The following STK24 variants were observed in gnomAD, a reference collection of about 807,000 sequenced individuals.
STK24 encodes the protein serine/threonine kinase 24.
A neutral mutation model predicts 55.6 loss-of-function variants in STK24; 21 were observed. The ratio of observed to expected loss-of-function variants is 0.38; its 90% confidence interval spans 0.27 to 0.54. The LOEUF (loss-of-function observed/expected upper bound fraction) is 0.54. Among genes scored for constraint, STK24 ranks in the 20% least tolerant of loss-of-function variants. The pLI is 0.79. For synonymous variants in STK24, 200 were observed against 215.2 expected (o/e 0.93, Z 0.62); for missense variants, 383 against 538.4 (o/e 0.71, Z 2.86).
intron 1 of STK24, among the ~76,000 whole-genome samples, chr13:98,567,456 CAG>C (rs1344311821): frequency 6.6e-6 from 1 of 152,190 alleles, no homozygotes; most frequent in Non-Finnish European, 1.5e-5. Flanking sequence ...AGCGTTTCTC[CAG>C]AGAGATCCTA....
chr13:98,509,788 G>A (rs1895818545), intron 2 of STK24, among the ~76,000 whole-genome samples: 1 of 152,038 alleles, frequency 6.6e-6, no homozygotes, highest in African/African-American at 2.4e-5. Context: ...AACTTACAGA[G>A]CCCCACGCCC....
chr13:98,541,438 AAC>A (rs1188931147), intron 1 of STK24, among the ~76,000 whole-genome samples: 5 of 152,204 alleles, frequency 3.3e-5, no homozygotes, highest in African/African-American at 1.2e-4. Flanking sequence ...GTTCAAAGGA[AAC>A]AGTGTTTTCC....
chr13:98,517,089 C>G (rs1197144604), intron 2 of STK24, among the ~76,000 whole-genome samples: 1 of 152,200 alleles, frequency 6.6e-6, no homozygotes, highest in Non-Finnish European at 1.5e-5. Flanking sequence ...AACCACTGAT[C>G]CTTAATTTCC....
intron 1 of STK24, among the ~76,000 whole-genome samples, chr13:98,519,782 G>A (rs1364865733): frequency 6.6e-6 from 1 of 152,178 alleles, no homozygotes; most frequent in African/African-American, 2.4e-5. Context: ...TAAAATCTAA[G>A]CACTTATTGG....
chr13:98,485,163 C>A (rs1211067728), intron 2 of STK24, among the ~76,000 whole-genome samples: 1 of 152,208 alleles, frequency 6.6e-6, no homozygotes, highest in African/African-American at 2.4e-5. Flanking sequence ...GCCGACTCAT[C>A]AAGACAGGGG....
intron 2 of STK24, among the ~76,000 whole-genome samples, chr13:98,499,660 T>C (rs1276719197): frequency 2.0e-5 from 3 of 151,272 alleles, no homozygotes; most frequent in Non-Finnish European, 2.9e-5. Context: ...ACTAGAAGAG[T>C]GTTCCAAGAG....
intron 1 of STK24, among the ~76,000 whole-genome samples, chr13:98,536,452 A>C (rs1216943641): frequency 6.6e-6 from 1 of 151,518 alleles, no homozygotes; most frequent in Non-Finnish European, 1.5e-5. Context: ...GCAGCCTCAA[A>C]CTCCTGGGTT....
chr13:98,497,189 G>A (rs1895281323), intron 2 of STK24, among the ~76,000 whole-genome samples: 1 of 152,050 alleles, frequency 6.6e-6, no homozygotes. Flanking sequence ...TTCCTCTGGG[G>A]TCTGCCTCAA....
At chr13:98,497,288 G>A (rs762050929) in intron 2 of STK24, among the ~76,000 whole-genome samples, 4 of 152,100 alleles carry the variant, frequency 2.6e-5, no homozygotes, top group Non-Finnish European at 4.4e-5. Context: ...AGTTTTCTCC[G>A]CAGCACTTAT....
intron 1 of STK24, among the ~76,000 whole-genome samples, chr13:98,524,994 C>T (rs922347193): frequency 3.3e-5 from 5 of 152,246 alleles, no homozygotes; most frequent in African/African-American, 1.2e-4. Context: ...GGCAAGAAGG[C>T]AGCCATCTGC....
chr13:98,470,719 G>T (rs1183215728), intron 5 of STK24, among the ~76,000 whole-genome samples: 2 of 152,104 alleles, frequency 1.3e-5, no homozygotes, highest in African/African-American at 2.4e-5. Context: ...GGAGATGTGG[G>T]GATCTATGCA....
At chr13:98,468,372 T>C (rs1370988103) in intron 5 of STK24, among the ~76,000 whole-genome samples, 3 of 152,236 alleles carry the variant, frequency 2.0e-5, no homozygotes, top group African/African-American at 4.8e-5. Context: ...TGCATTGCAT[T>C]ATCTTAAAAA....
At chr13:98,459,662 A>C (rs1310819645) in intron 9 of STK24, among the ~76,000 whole-genome samples, 1 of 152,246 alleles carries the variant, frequency 6.6e-6, no homozygotes, top group Non-Finnish European at 1.5e-5. Context: ...CCGCAGTGGA[A>C]AACTGCCCAA....
chr13:98,458,996 C>G (rs1893586277), intron 9 of STK24, among the ~76,000 whole-genome samples: 1 of 152,178 alleles, frequency 6.6e-6, no homozygotes, highest in Non-Finnish European at 1.5e-5. Context: ...CCTGGAAAAT[C>G]CAGGATATGA....
intron 2 of STK24, among the ~76,000 whole-genome samples, chr13:98,490,856 G>A (rs1336902093): frequency 1.3e-5 from 2 of 151,692 alleles, no homozygotes. Context: ...ACAGAACACT[G>A]GAGTTTCTGT....
chr13:98,466,457 G>C lies in STK24; in HGVS notation c.702C>G (p.Asn234Lys). 1.2e-6 allele frequency: 2 copies of C among 1,614,052 alleles called. No homozygotes were observed. Among genetic ancestry groups the C allele is most frequent in the Non-Finnish European group, 1.7e-6 (2 of 1,180,020 alleles). The stretch of plus-strand genomic sequence containing the variant: ...AGTTTCCTTCCAACGTCGGTGGGTT[G>C]TTCTTTGGAATGAGGAATAAAACTT... ...PMKVLFLIPKNNPPTLEGNYS... is the reference protein window; with the variant it reads ...PMKVLFLIPKKNPPTLEGNYS... Residue 234 changes from asparagine to lysine, a missense_variant, in exon 6 of 11, where the codon AAC becomes AAG. Physicochemically the swap from Asn to Lys is moderately conservative, Grantham distance 94 (BLOSUM62 0). Transcript: ENST00000539966.
chr13:98,558,863 A>C (rs1897340791), intron 1 of STK24, among the ~76,000 whole-genome samples: 1 of 152,108 alleles, frequency 6.6e-6, no homozygotes. Context: ...AATTACAATA[A>C]AAATATTAAT....
chr13:98,507,004 A>C (rs1437938351), intron 2 of STK24, among the ~76,000 whole-genome samples: 6 of 152,200 alleles, frequency 3.9e-5, no homozygotes, highest in Admixed American at 3.9e-4. Flanking sequence ...CTGTGAGCAG[A>C]GGCCTGAGTG....
intron 5 of STK24, among the ~76,000 whole-genome samples, chr13:98,468,130 C>A (rs1429250224): frequency 6.6e-6 from 1 of 152,196 alleles, no homozygotes; most frequent in Non-Finnish European, 1.5e-5. Flanking sequence ...GTTCCTGCAG[C>A]CTTAGTGAGT....
Sources: allele counts gnomAD v4.1 joint callset (sites outside exome capture counted in the v4.1 genomes callset), GRCh38; gene constraint gnomAD v4.1.1; transcripts MANE v1.5; gene names NCBI Gene and HGNC (gene_info 2026-07-23, HGNC 2026-07-21).